Variants in ROBO2 observed in about 807,000 individuals in gnomAD.
ROBO2 encodes the protein roundabout homolog 2.
Under a neutral mutation model 160.8 loss-of-function variants are expected in ROBO2, and 53 were observed. The ratio of observed to expected loss-of-function variants is 0.33; its 90% CI spans 0.26 to 0.41. ROBO2 has a LOEUF of 0.41. ROBO2 is among the 10% of genes least tolerant of loss of function. The pLI, the probability that ROBO2 is intolerant of heterozygous loss-of-function variation, is 1.00. For synonymous variants in ROBO2, 664 were observed against 611.7 expected, an observed-to-expected ratio of 1.09 and a Z score of -1.26; for missense variants, 1,577 against 1,722.4, an observed-to-expected ratio of 0.92 and a Z score of 1.49.
At chr3:77,252,819 A>ATATATATATATATAT (rs2090497628) in intron 2 of ROBO2, among the ~76,000 whole-genome samples, 1 of 38,552 alleles carries the variant, frequency 2.6e-5, no homozygotes, top group Non-Finnish European at 8.4e-5. Flanking sequence ...AAAAAAAAAA[A>ATATATATATATATAT]AAAAAAAAAA....
chr3:77,255,326 GAAGT>G (rs2090805876), intron 2 of ROBO2, among the ~76,000 whole-genome samples: 1 of 152,222 alleles, frequency 6.6e-6, no homozygotes, highest in African/African-American at 2.4e-5. Context: ...TAAAGTGCGT[GAAGT>G]TTTAAAACCA....
chr3:77,317,244 C>T (rs2064098190), intron 2 of ROBO2: 2 of 789,420 alleles, frequency 2.5e-6, no homozygotes, highest in Admixed American at 3.6e-5. Context: ...GGTTAATGTG[C>T]TCCCACTTGC....
chr3:76,995,681 T>C (rs948325439), intron 2 of ROBO2, among the ~76,000 whole-genome samples: 2 of 152,206 alleles, frequency 1.3e-5, no homozygotes, highest in Non-Finnish European at 2.9e-5. Flanking sequence ...TGGTTTTGAT[T>C]TGTATTTCTC....
chr3:76,708,561 A>G (rs965641382), intron 2 of ROBO2, among the ~76,000 whole-genome samples: 1 of 152,236 alleles, frequency 6.6e-6, no homozygotes, highest in African/African-American at 2.4e-5. Flanking sequence ...ACTGTCATCC[A>G]GGACACATAC....
intron 2 of ROBO2, among the ~76,000 whole-genome samples, chr3:76,514,449 G>C (rs919873142): frequency 5.9e-5 from 9 of 152,096 alleles, no homozygotes; most frequent in African/African-American, 2.2e-4. Context: ...GAAAATCACA[G>C]TAACTGTGGT....
At chr3:76,059,188 T>C (rs1362062153) in intron 2 of ROBO2, among the ~76,000 whole-genome samples, 1 of 151,764 alleles carries the variant, frequency 6.6e-6, no homozygotes, top group African/African-American at 2.4e-5. Context: ...CTGGGTCAAA[T>C]GGTATTTCTA....
chr3:76,177,706 A>G (rs1217267986), intron 2 of ROBO2, among the ~76,000 whole-genome samples: 2 of 152,072 alleles, frequency 1.3e-5, no homozygotes, highest in Non-Finnish European at 2.9e-5. Context: ...TTTCTTTTAT[A>G]TCGTCCCTGC....
chr3:76,587,133 C>T (rs189712235), intron 2 of ROBO2, among the ~76,000 whole-genome samples: 69 of 152,204 alleles, frequency 4.5e-4, no homozygotes, highest in African/African-American at 1.6e-3. Context: ...GCCCATTGCC[C>T]CTGTCTAAAA....
At chr3:76,345,076 G>T (rs983075156) in intron 2 of ROBO2, among the ~76,000 whole-genome samples, 1 of 152,104 alleles carries the variant, frequency 6.6e-6, no homozygotes, top group Non-Finnish European at 1.5e-5. Flanking sequence ...TTGTGATGAT[G>T]GTTTAAATTT....
At chr3:76,970,282 A>C (rs1263508626) in intron 2 of ROBO2, among the ~76,000 whole-genome samples, 1 of 152,102 alleles carries the variant, frequency 6.6e-6, no homozygotes, top group Non-Finnish European at 1.5e-5. Flanking sequence ...TACTTTCGGG[A>C]AAGGAGATTT....
At chr3:76,432,373 T>A (rs1279778352) in intron 2 of ROBO2, among the ~76,000 whole-genome samples, 2 of 152,184 alleles carry the variant, frequency 1.3e-5, no homozygotes, top group Non-Finnish European at 2.9e-5. Context: ...CTCAGTGACT[T>A]AAAACAGCAA....
intron 2 of ROBO2, among the ~76,000 whole-genome samples, chr3:77,349,617 G>C (rs1464724385): frequency 1.3e-5 from 2 of 152,200 alleles, no homozygotes; most frequent in African/African-American, 4.8e-5. Flanking sequence ...GGCAGACATA[G>C]AGGCACTTCA....
In ROBO2 at chr3:76,863,437, C is replaced by CA. The variant is rs1295026229; in HGVS notation, c.110-234568dup. On this transcript the variant is annotated intron_variant, in intron 2 of 26. Transcript: ENST00000487694. ...TGGGTGACAGAGTGAGAACCTGTCT[C>CA]AAAAAAAAAGAAAAAAGAAAAGAAA... is the stretch of plus-strand genomic sequence containing the variant. Among the ~76,000 whole-genome samples the CA allele has an allele frequency of 9.5e-3, 1,016 of 107,374 alleles. 12 individuals carry two copies. Among genetic ancestry groups the CA allele is most frequent in the African/African-American group, 0.034 (878 of 26,186 alleles). 70.4% of individuals were successfully genotyped at this position (107,374 alleles called of 152,430 possible). A position where few individuals can be genotyped will look rare whatever the true frequency, so the allele number is the denominator to read the frequency against.
intron 2 of ROBO2, among the ~76,000 whole-genome samples, chr3:76,858,092 C>T (rs1372448661): frequency 6.6e-6 from 1 of 151,510 alleles, no homozygotes; most frequent in Non-Finnish European, 1.5e-5. Context: ...AGTACGCTCC[C>T]AGCATAGCAC....
intron 2 of ROBO2, among the ~76,000 whole-genome samples, chr3:76,887,541 C>T (rs2074002131): frequency 3.9e-5 from 6 of 151,900 alleles, no homozygotes; most frequent in Admixed American, 2.6e-4. Context: ...AGGGCAGGAG[C>T]GGGCTGGTCT....
At chr3:77,382,346 CTTTTT>C (rs58518864) in intron 2 of ROBO2, among the ~76,000 whole-genome samples, 5,448 of 135,004 alleles carry the variant, frequency 0.04, 158 homozygotes, top group South Asian at 0.13. Context: ...AACACATGTC[CTTTTT>C]TTTTTTTTTT....
At chr3:76,287,263 T>C (rs186723006) in intron 2 of ROBO2, among the ~76,000 whole-genome samples, 37 of 152,014 alleles carry the variant, frequency 2.4e-4, no homozygotes, top group African/African-American at 8.9e-4. Context: ...AGACACATTT[T>C]CACTTCAGTG....
At chr3:76,212,951 C>G (rs1003205105) in intron 2 of ROBO2, among the ~76,000 whole-genome samples, 2 of 151,006 alleles carry the variant, frequency 1.3e-5, no homozygotes, top group Admixed American at 6.6e-5. Context: ...GGGAATTTCT[C>G]AAGGGTAAAG....
chr3:77,600,983 G>A (rs1306675701), intron 19 of ROBO2, among the ~76,000 whole-genome samples: 3 of 151,970 alleles, frequency 2.0e-5, no homozygotes, highest in African/African-American at 4.8e-5. Flanking sequence ...GTACATATCC[G>A]CTCAGCTGTA....
Sources: allele counts gnomAD v4.1 joint callset (sites outside exome capture counted in the v4.1 genomes callset), GRCh38; gene constraint gnomAD v4.1.1; transcripts MANE v1.5; gene names NCBI Gene and HGNC (gene_info 2026-07-23, HGNC 2026-07-21).